The following ETS1 variants were observed in gnomAD, a reference collection of about 807,000 sequenced individuals.
The protein encoded by ETS1 is protein C-ets-1.
ETS1 carries 15 observed loss-of-function variants against 58.6 expected under a neutral mutation model. The ratio of observed to expected loss-of-function variants is 0.26; its 90% CI spans 0.17 to 0.39. The LOEUF (loss-of-function observed/expected upper bound fraction) is 0.39, where lower values mean the gene tolerates loss of function less well. Ranked by LOEUF, ETS1 falls within the 10% of genes least tolerant of loss-of-function variation. ETS1 has a pLI of 1.00. For synonymous variants in ETS1, 214 were observed against 218.2 expected, an observed-to-expected ratio of 0.98 and a Z score of 0.17; for missense variants, 417 against 610.5, an observed-to-expected ratio of 0.68 and a Z score of 3.34.
intron 3 of ETS1, among the ~76,000 whole-genome samples, chr11:128,495,937 C>A (rs1406886818): frequency 6.6e-6 from 1 of 152,036 alleles, no homozygotes; most frequent in Non-Finnish European, 1.5e-5. Context: ...TAGAGAGAAA[C>A]TCTACTCAAA....
chr11:128,489,230 C>G, intron 5 of ETS1, 60 bp downstream of exon 5: 3 of 1,469,484 alleles, frequency 2.0e-6, no homozygotes, highest in Non-Finnish European at 2.9e-6. Flanking sequence ...GGTGAGCCCC[C>G]TACCTACTCT....
intron 3 of ETS1, among the ~76,000 whole-genome samples, chr11:128,521,262 C>T (rs953514196): frequency 6.6e-6 from 1 of 152,192 alleles, no homozygotes; most frequent in South Asian, 2.1e-4. Flanking sequence ...TCCAACGGAC[C>T]TTTGGTACCA....
At chr11:128,495,657 T>C (rs1351493188) in intron 3 of ETS1, among the ~76,000 whole-genome samples, 2 of 152,214 alleles carry the variant, frequency 1.3e-5, no homozygotes, top group African/African-American at 4.8e-5. Flanking sequence ...ATAAACCTTC[T>C]GGTCCACATG....
At chr11:128,573,517 A>G (rs553296521) in intron 1 of ETS1, among the ~76,000 whole-genome samples, 1 of 152,334 alleles carries the variant, frequency 6.6e-6, no homozygotes. Context: ...AAGTAGGCAT[A>G]CAATACACAG....
At chr11:128,538,211 T>C (rs1007659896) in intron 3 of ETS1, among the ~76,000 whole-genome samples, 1 of 152,164 alleles carries the variant, frequency 6.6e-6, no homozygotes, top group African/African-American at 2.4e-5. Flanking sequence ...TATGATGAAA[T>C]TATCCTAGAA....
intron 3 of ETS1, among the ~76,000 whole-genome samples, chr11:128,521,489 G>C (rs1325921477): frequency 6.6e-6 from 1 of 152,154 alleles, no homozygotes; most frequent in Non-Finnish European, 1.5e-5. Context: ...AGACTGCCCG[G>C]GGCCCTCCAC....
At chr11:128,468,113 G>A (rs1862086194) in intron 8 of ETS1, among the ~76,000 whole-genome samples, 1 of 152,222 alleles carries the variant, frequency 6.6e-6, no homozygotes, top group African/African-American at 2.4e-5. Flanking sequence ...GGAACTTGGA[G>A]AGCTCCCAAG....
At chr11:128,580,584 C>T (rs1162912601) in intron 1 of ETS1, among the ~76,000 whole-genome samples, 2 of 152,226 alleles carry the variant, frequency 1.3e-5, no homozygotes, top group East Asian at 1.9e-4. Flanking sequence ...ACTAAATCTA[C>T]AAGAACCTCA....
At chr11:128,571,424 CG>C (rs1443589554) in intron 2 of ETS1, among the ~76,000 whole-genome samples, 1 of 127,106 alleles carries the variant, frequency 7.9e-6, no homozygotes, top group African/African-American at 3.1e-5. Flanking sequence ...CCAGCCTGGG[CG>C]ACAGAGCGAG....
intron 3 of ETS1, among the ~76,000 whole-genome samples, chr11:128,516,010 G>A (rs140834199): frequency 2.0e-5 from 3 of 152,238 alleles, no homozygotes; most frequent in Non-Finnish European, 4.4e-5. Context: ...TATTTTGAGC[G>A]TGTCTGTTAA....
At chr11:128,559,037 G>T (rs1290910701) in intron 2 of ETS1, among the ~76,000 whole-genome samples, 4 of 152,168 alleles carry the variant, frequency 2.6e-5, no homozygotes, top group Non-Finnish European at 5.9e-5. Flanking sequence ...ACCCACATCT[G>T]TCTTCTTTTG....
chr11:128,586,960 G>A lies in ETS1; in HGVS notation c.-15+528C>T, dbSNP rs73030773. Among the ~76,000 whole-genome samples the A allele has an allele frequency of 6.8e-3, 1,037 of 152,206 alleles. 7 individuals carry two copies. The highest frequency in any genetic ancestry group is 9.6e-3 in the Non-Finnish European group (652 of 68,006). Reference sequence around the variant, plus strand: ...ACTTGTAGATCTTTGGACAACTGCAGGTCAGTCCCAAGACAGAGAAAAACA... The same window carrying A: ...ACTTGTAGATCTTTGGACAACTGCAAGTCAGTCCCAAGACAGAGAAAAACA... On this transcript the variant is annotated intron_variant, in intron 1 of 9. Transcript: ENST00000392668.
intron 5 of ETS1, among the ~76,000 whole-genome samples, chr11:128,486,891 C>T (rs1405944876): frequency 6.6e-6 from 1 of 152,102 alleles, no homozygotes; most frequent in Non-Finnish European, 1.5e-5. Context: ...GCCATGGCTC[C>T]GATTCTTGTA....
chr11:128,517,077 C>T (rs766945978), intron 3 of ETS1, among the ~76,000 whole-genome samples: 1 of 152,210 alleles, frequency 6.6e-6, no homozygotes. Flanking sequence ...ATTGCTGGAA[C>T]TTTCAAACAT....
chr11:128,530,556 T>C (rs1017764251), intron 3 of ETS1, among the ~76,000 whole-genome samples: 2 of 152,128 alleles, frequency 1.3e-5, no homozygotes, highest in African/African-American at 4.8e-5. Flanking sequence ...TTCATCAGAA[T>C]GATCAGAAAC....
At position 128,486,080 on chromosome 11, in the gene ETS1, T is replaced by C; in HGVS notation, c.602A>G (p.Asp201Gly). 6.2e-7 allele frequency: 1 copy of C among 1,607,038 alleles called. No individual in the cohort carries two copies. The highest frequency in any genetic ancestry group is 8.5e-7 in the Non-Finnish European group (1 of 1,173,638). ...AGAAATGAACTTACTAATGAAGTAA[T>C]CCGAGGTATAGCGGGATTCTGGATA... is the stretch of plus-strand genomic sequence containing the variant. ...PAYPESRYTS[D>G]YFISYGIEHA... The change falls in exon 6 of 10, where the codon GAT becomes GGT. Residue 201 changes from aspartate to glycine, a missense_variant. Around this residue, in one of 4 missense-constraint regions of ETS1, gnomAD observed 132 missense variants for 212.1 expected, o/e 0.62. Transcript: ENST00000392668.
chr11:128,540,467 T>A (rs1336890340), intron 3 of ETS1, among the ~76,000 whole-genome samples: 1 of 151,704 alleles, frequency 6.6e-6, no homozygotes, highest in East Asian at 1.9e-4. Context: ...TCAATAAAGC[T>A]CACCTCAATA....
intron 6 of ETS1, 138 bp downstream of exon 6, chr11:128,485,931 A>T (rs1363079472): frequency 1.6e-6 from 1 of 612,366 alleles, no homozygotes; most frequent in East Asian, 2.7e-5. Context: ...AATAAAATAA[A>T]GTAACAAAGA....
intron 3 of ETS1, among the ~76,000 whole-genome samples, chr11:128,516,229 A>G (rs918224847): frequency 3.9e-5 from 6 of 152,210 alleles, no homozygotes; most frequent in Non-Finnish European, 7.3e-5. Context: ...GATATCATCA[A>G]CCCGACAGAA....
Sources: gnomAD v4.1 joint callset for allele counts (sites outside exome capture counted in the v4.1 genomes callset) on GRCh38, gnomAD v4.1.1 for gene constraint, gnomAD v4.1.1 regional missense constraint, MANE v1.5 for transcripts, NCBI Gene and HGNC (gene_info 2026-07-23, HGNC 2026-07-21) for gene names.